The following MTERF4 variants were observed in gnomAD, a reference collection of about 807,000 sequenced individuals.
The protein encoded by MTERF4 is transcription termination factor 4, mitochondrial.
A neutral mutation model predicts 22.5 loss-of-function variants in MTERF4; 17 were observed. The observed-to-expected ratio is 0.75, with a 90% CI of 0.52 to 1.13. MTERF4 has a LOEUF of 1.13. Ranked by LOEUF, MTERF4 falls within the 50% of genes most tolerant of loss-of-function variation. MTERF4 has a pLI of 0.00. For synonymous variants in MTERF4, 165 were observed against 175.3 expected (o/e 0.94, Z 0.47); for missense variants, 420 against 466.8 (o/e 0.90, Z 0.92).
chr2:241,069,121 A>C (rs1384176286), downstream of MTERF4: 3 of 775,508 alleles, frequency 3.9e-6, no homozygotes, highest in South Asian at 1.9e-5. This position sits in a 1 kb window ranked among gnomAD's most constrained non-coding sequence, Gnocchi z 4.9. Context: ...AGCGTCCACA[A>C]CACCAGAAAC....
chr2:241,077,990 A>C (rs2063109039), intron 4 of MTERF4, among the ~76,000 whole-genome samples: 1 of 152,162 alleles, frequency 6.6e-6, no homozygotes, highest in Admixed American at 6.6e-5. Flanking sequence ...ACCCAAGAGA[A>C]ATGAAAACCT....
chr2:241,063,880 G>C, the MTERF4 span: 1 of 775,712 alleles, frequency 1.3e-6, no homozygotes, highest in South Asian at 1.7e-5. Flanking sequence ...GCTGAGGGGC[G>C]GGACCTGCCC....
chr2:241,044,909 G>T, the MTERF4 span, among the ~76,000 whole-genome samples: 2 of 152,312 alleles, frequency 1.3e-5, no homozygotes, highest in Non-Finnish European at 2.9e-5. Context: ...ACTGAAAAAG[G>T]TAGCCCCAGA....
chr2:241,071,481 CGGCT>C (rs1559295491), downstream of MTERF4: 2 of 1,417,436 alleles, frequency 1.4e-6, no homozygotes, highest in Non-Finnish European at 1.9e-6. Context: ...TCTCCAAGCA[CGGCT>C]GAGTGTGAGG....
chr2:241,091,770 T>G (rs1006454747), downstream of MTERF4: 1 of 152,332 alleles, frequency 6.6e-6, no homozygotes, highest in Non-Finnish European at 1.5e-5. The surrounding 1 kb of genome is among the most constrained non-coding windows in gnomAD (Gnocchi z 4.1). Flanking sequence ...CTCTGTGACC[T>G]CTCTCCTCAG....
downstream of MTERF4, chr2:241,070,171 A>G (rs1482289648): frequency 6.3e-7 from 1 of 1,590,908 alleles, no homozygotes; most frequent in South Asian, 1.1e-5. Flanking sequence ...GCCGCAGCAC[A>G]GCGAGCCCGC....
At position 241,073,305 on chromosome 2, in the gene MTERF4, C is replaced by G; in HGVS notation, n.2857G>C. 1 of 1,571,674 alleles carries G rather than the reference C, an allele frequency of 6.4e-7. No homozygotes were observed. The highest frequency in any genetic ancestry group is 8.6e-7 in the Non-Finnish European group (1 of 1,159,742). On this transcript the variant is annotated non_coding_transcript_exon_variant, in exon 5 of 5. Coordinates refer to the MTERF4 transcript ENST00000464344. The surrounding 1 kb of genome is among the most constrained non-coding windows in gnomAD (Gnocchi z 6.6). ...GCGCAGCTCGAGAACATGGAGGAAG[C>G]CCCCAAGCGGGTCAGCCTGGCCCTC...
chr2:241,043,702 G>T, the MTERF4 span, among the ~76,000 whole-genome samples: 6 of 152,174 alleles, frequency 3.9e-5, no homozygotes, highest in African/African-American at 1.4e-4. Flanking sequence ...CATAAACCAA[G>T]CTGTGCAAAC....
chr2:241,078,046 A>T (rs2063112747), intron 4 of MTERF4, among the ~76,000 whole-genome samples: 1 of 152,200 alleles, frequency 6.6e-6, no homozygotes, highest in African/African-American at 2.4e-5. Flanking sequence ...GCAGCACAGC[A>T]CAAAAGCCAG....
chr2:241,060,645 A>T, the MTERF4 span, among the ~76,000 whole-genome samples: 1 of 141,164 alleles, frequency 7.1e-6, no homozygotes, highest in Non-Finnish European at 1.5e-5. Flanking sequence ...ATGTTTCTTT[A>T]AAAAAAAACT....
chr2:241,058,534 A>G, the MTERF4 span, among the ~76,000 whole-genome samples: 2 of 152,254 alleles, frequency 1.3e-5, no homozygotes, highest in Admixed American at 6.5e-5. Flanking sequence ...TTTAGTGGAT[A>G]TAGATTACAA....
At chr2:241,071,764 G>C (rs766368431), downstream of MTERF4, 11 of 1,530,572 alleles carry the variant, frequency 7.2e-6, no homozygotes, top group South Asian at 1.2e-5. Flanking sequence ...GGCGGCGCTC[G>C]GACTGTGGTG....
At chr2:241,056,743 G>A in the MTERF4 span, among the ~76,000 whole-genome samples, 3 of 151,748 alleles carry the variant, frequency 2.0e-5, no homozygotes, top group Non-Finnish European at 4.4e-5. Flanking sequence ...ACCACGCCCG[G>A]CTAATTTTTT....
the MTERF4 span, chr2:241,065,273 C>G: frequency 2.5e-6 from 4 of 1,611,250 alleles, no homozygotes; most frequent in South Asian, 4.4e-5. Flanking sequence ...CAGTCCCCTC[C>G]CCTTGTTTTG....
At chr2:241,061,583 T>C in the MTERF4 span, among the ~76,000 whole-genome samples, 2 of 152,246 alleles carry the variant, frequency 1.3e-5, no homozygotes, top group East Asian at 3.9e-4. Context: ...CACAGCAACA[T>C]TTTTTGTAAA....
chr2:241,052,320 G>T, the MTERF4 span: 1 of 1,539,066 alleles, frequency 6.5e-7, no homozygotes. Flanking sequence ...CTTCAGGGAA[G>T]ACACAGTGGC....
chr2:241,082,438 C>A, downstream of MTERF4: 1 of 1,159,176 alleles, frequency 8.6e-7, no homozygotes, highest in Non-Finnish European at 1.3e-6. Flanking sequence ...TGTCTCAAAG[C>A]TACCCAGCTA....
At chr2:241,083,787 T>A (rs1048237057), downstream of MTERF4, among the ~76,000 whole-genome samples, 2 of 152,180 alleles carry the variant, frequency 1.3e-5, no homozygotes, top group Non-Finnish European at 2.9e-5. Flanking sequence ...GTATTTAACA[T>A]AGAGGTGGGT....
chr2:241,089,380 G>T, downstream of MTERF4: 1 of 1,550,560 alleles, frequency 6.4e-7, no homozygotes. Context: ...AAAAATAAAG[G>T]AGAAATGTCA....
Sources: allele counts gnomAD v4.1 joint callset (sites outside exome capture counted in the v4.1 genomes callset), GRCh38; gene constraint gnomAD v4.1.1; non-coding constraint Gnocchi (gnomAD v3.1); transcripts MANE v1.5; gene names NCBI Gene and HGNC (gene_info 2026-07-23, HGNC 2026-07-21).